The following DOT1L variants were observed in gnomAD, a reference collection of about 807,000 sequenced individuals.
DOT1L encodes the protein DOT1 like histone lysine methyltransferase.
In DOT1L, 33 loss-of-function variants were observed where a neutral mutation model predicts 153.3. The observed-to-expected ratio is 0.22, with a 90% CI of 0.16 to 0.29. DOT1L has a LOEUF of 0.29. Among genes scored for constraint, DOT1L ranks in the 10% least tolerant of loss-of-function variants. The pLI is 1.00. For missense variants in DOT1L, 1,847 were observed against 2,119.9 expected (o/e 0.87, Z 2.53); for synonymous variants, 1,135 against 965.1 (o/e 1.18, Z -3.26).
chr19:2,172,565 C>T (rs1398292093), intron 1 of DOT1L, among the ~76,000 whole-genome samples: 8 of 150,096 alleles, frequency 5.3e-5, no homozygotes, highest in Non-Finnish European at 1.0e-4. Context: ...AGTGCAGTGG[C>T]GCCATCTCGG....
chr19:2,209,909 C>T (rs1317820516), intron 12 of DOT1L, among the ~76,000 whole-genome samples: 1 of 152,182 alleles, frequency 6.6e-6, no homozygotes, highest in Non-Finnish European at 1.5e-5. Context: ...AGGGAACGGC[C>T]CGAGGTGGCC....
At chr19:2,192,672 CAAAAA>C (rs71176526) in intron 5 of DOT1L, among the ~76,000 whole-genome samples, 1 of 95,110 alleles carries the variant, frequency 1.1e-5, no homozygotes, top group African/African-American at 4.1e-5. Context: ...GACTCCGTCT[CAAAAA>C]AAAAAAAAAA....
chr19:2,210,784 A>C lies in DOT1L; in HGVS notation c.1280A>C (p.Lys427Thr). Residue 427 changes from lysine (K) to threonine (T), a missense_variant, in exon 14 of 28, where the codon AAG becomes ACG. This residue lies in a region of DOT1L where 205 missense variants were observed against 203.1 expected (regional missense o/e 1.01). Transcript: ENST00000398665. ...MNTANPERKP[K>T]KNQTALDALH... ...ACTGCGAACCCCGAGCGGAAGCCCA[A>C]GAAGAACCAAACTGCACTGGATGCC... The C allele has an allele frequency of 6.2e-7, 1 of 1,612,984 alleles. No individual in the cohort carries two copies. Among genetic ancestry groups the C allele is most frequent in the South Asian group, 1.1e-5 (1 of 91,084 alleles).
intron 16 of DOT1L, 77 bp downstream of exon 16, chr19:2,211,919 G>A: frequency 7.2e-7 from 1 of 1,394,540 alleles, no homozygotes; most frequent in Non-Finnish European, 9.7e-7. Context: ...TCTGTCCCCT[G>A]TGGCAGAGGC....
At chr19:2,172,189 T>C (rs1212783491) in intron 1 of DOT1L, among the ~76,000 whole-genome samples, 4 of 151,420 alleles carry the variant, frequency 2.6e-5, no homozygotes, top group African/African-American at 9.7e-5. Context: ...TTTTCTTTTC[T>C]TTCCTTTTTT....
At chr19:2,178,415 A>AT (rs1174458033) in intron 1 of DOT1L, among the ~76,000 whole-genome samples, 8,166 of 128,342 alleles carry the variant, frequency 0.064, 553 homozygotes, top group African/African-American at 0.12. Context: ...TCACTTTGAA[A>AT]TTTTTTTTTT....
At chr19:2,227,528 C>T (rs2024403280) in intron 27 of DOT1L, 1 of 541,922 alleles carries the variant, frequency 1.8e-6, no homozygotes, top group Non-Finnish European at 3.1e-6. Flanking sequence ...CCGGGGGGAG[C>T]GGCCTGGCCC....
At chr19:2,169,057 G>T (rs545177396) in intron 1 of DOT1L, among the ~76,000 whole-genome samples, 1 of 152,166 alleles carries the variant, frequency 6.6e-6, no homozygotes, top group Non-Finnish European at 1.5e-5. Context: ...GGCTGTGGGC[G>T]GGCAGGGGCG....
In DOT1L at chr19:2,193,090, C is replaced by T. The variant is rs111674224; in HGVS notation, c.494-599C>T. Among the ~76,000 whole-genome samples the T allele has an allele frequency of 3.9e-4, 60 of 152,314 alleles. No homozygotes were observed. Among genetic ancestry groups the T allele is most frequent in the African/African-American group, 1.3e-3 (55 of 41,554 alleles). ...TGCGCCGCTGCCTCCACCCTCCTGA[C>T]GCTGGCGTATCTGCAGCCCCTGTTC... On this transcript the variant is annotated intron_variant, in intron 5 of 27. Transcript: ENST00000398665. This position sits in a 1 kb window ranked among gnomAD's most constrained non-coding sequence, Gnocchi z 5.9.
intron 3 of DOT1L, 38 bp downstream of exon 3, chr19:2,185,967 C>G: frequency 1.3e-6 from 2 of 1,590,876 alleles, no homozygotes; most frequent in Non-Finnish European, 1.7e-6. Context: ...GCTCCGAGGA[C>G]AGACTCGGCT....
In DOT1L at chr19:2,229,912, G is replaced by A; in HGVS notation, c.*120G>A. Reference sequence around the variant, plus strand: ...TGGACGGCAGAGGCAAGGACGGACGGGAGCTCCACTGTGAATCGGCGGCAC... The same window carrying A: ...TGGACGGCAGAGGCAAGGACGGACGAGAGCTCCACTGTGAATCGGCGGCAC... On this transcript the variant is annotated 3_prime_UTR_variant, in exon 28 of 28. Coordinates refer to ENST00000398665, the MANE Select transcript of DOT1L (RefSeq NM_032482.3). The A allele has an allele frequency of 8.2e-6, 13 of 1,578,128 alleles. No individual in the cohort carries two copies. The highest frequency in any genetic ancestry group is 1.1e-5 in the Non-Finnish European group (13 of 1,154,818).
chr19:2,180,489 G>C (rs905085943), intron 1 of DOT1L, among the ~76,000 whole-genome samples: 2 of 152,172 alleles, frequency 1.3e-5, no homozygotes, highest in African/African-American at 2.4e-5. Context: ...GCCTGTAGTA[G>C]GACACAGCGT....
At position 2,204,648 on chromosome 19, in the gene DOT1L, G is replaced by A. The variant is rs1042706071; in HGVS notation, c.787+1869G>A. Reference sequence around the variant, plus strand: ...GGTACTGCAGTGGCGTCTTCTGTCCGGCCCCTCCCTGTTTTGAACATGTCC... The same window carrying A: ...GGTACTGCAGTGGCGTCTTCTGTCCAGCCCCTCCCTGTTTTGAACATGTCC... On this transcript the variant is annotated intron_variant, in intron 9 of 27. Transcript: ENST00000398665. The surrounding 1 kb of genome is among the most constrained non-coding windows in gnomAD (Gnocchi z 5.7). 6.6e-6 allele frequency among the ~76,000 whole-genome samples: 1 copy of A among 152,126 alleles called. No individual in the cohort carries two copies. The highest frequency in any genetic ancestry group is 1.5e-5 in the Non-Finnish European group (1 of 68,038).
intron 27 of DOT1L, chr19:2,228,784 C>CTGT (rs1473830484): frequency 1.0e-6 from 1 of 985,294 alleles, no homozygotes; most frequent in Non-Finnish European, 1.2e-6. Flanking sequence ...TGGCTTGGTG[C>CTGT]TGTTCCCCAG....
intron 12 of DOT1L, among the ~76,000 whole-genome samples, 180 bp downstream of exon 12, chr19:2,209,156 T>G (rs1287768515): frequency 6.6e-6 from 1 of 151,926 alleles, no homozygotes; most frequent in Non-Finnish European, 1.5e-5. Flanking sequence ...TCACTCCTGG[T>G]CCTCTCCCTA....
rs2024392641 is a variant in DOT1L at position 2,227,283 on chromosome 19, C to A, written c.4606+156C>A. On this transcript the variant is annotated intron_variant, in intron 27 of 27. Coordinates refer to ENST00000398665, the MANE Select transcript of DOT1L (RefSeq NM_032482.3). ...GCCATCCGTGCACGGTGGCGAACTC[C>A]AGTCCTGTGGGGAGAGGGCTCACGC... The A allele has an allele frequency of 1.0e-5, 10 of 966,488 alleles. No homozygotes were observed. The East Asian group carries it at 2.2e-4, about 21-fold the overall frequency. The allele number at this position is 966,488 out of a possible 1,614,324, so 59.9% of individuals were successfully genotyped here.
rs2023436977 is a variant in DOT1L, at chr19:2,204,999, C to G, written c.788-1730C>G. 6.6e-6 allele frequency among the ~76,000 whole-genome samples: 1 copy of G among 151,468 alleles called. No homozygotes were observed. Among genetic ancestry groups the G allele is most frequent in the African/African-American group, 2.4e-5 (1 of 41,178 alleles). ...ATTTTTTTTTTTTTGGAGACGGAGT[C>G]TCACTCTGTCGCCCAGGCTGGAGTG... On this transcript the variant is annotated intron_variant, in intron 9 of 27. Coordinates refer to ENST00000398665, the MANE Select transcript of DOT1L (RefSeq NM_032482.3). The surrounding 1 kb of genome is among the most constrained non-coding windows in gnomAD (Gnocchi z 5.7).
intron 24 of DOT1L, 68 bp from the exon 25 acceptor site, chr19:2,223,213 G>T: frequency 1.7e-5 from 26 of 1,559,146 alleles, no homozygotes; most frequent in Non-Finnish European, 2.3e-5. Flanking sequence ...TCCTGGGGCG[G>T]GGGGGCTCTC....
intron 26 of DOT1L, 116 bp from the exon 27 acceptor site, chr19:2,226,067 C>CT (rs1178812782): frequency 8.4e-7 from 1 of 1,195,128 alleles, no homozygotes; most frequent in Non-Finnish European, 1.1e-6. Flanking sequence ...TCTTGAGTGT[C>CT]TGTGACCAGC....
Sources: gnomAD v4.1 joint callset for allele counts (sites outside exome capture counted in the v4.1 genomes callset) on GRCh38, gnomAD v4.1.1 for gene constraint, gnomAD v4.1.1 regional missense constraint, Gnocchi (gnomAD v3.1) non-coding constraint, MANE v1.5 for transcripts, NCBI Gene and HGNC (gene_info 2026-07-23, HGNC 2026-07-21) for gene names.